The following CLCN3 variants were observed in gnomAD, a reference collection of about 807,000 sequenced individuals.
The protein encoded by CLCN3 is Cl-/H+ antiporter 3, also known as H(+)/Cl(-) exchange transporter 3.
A neutral mutation model predicts 83.4 loss-of-function variants in CLCN3; 16 were observed. That is an observed-to-expected ratio of 0.19 (90% CI 0.13 to 0.29). CLCN3 has a LOEUF of 0.29. Ranked by LOEUF, CLCN3 falls within the 10% of genes least tolerant of loss-of-function variation. The pLI, the probability that CLCN3 is intolerant of heterozygous loss-of-function variation, is 1.00. For missense variants in CLCN3, 544 were observed against 1,006.0 expected, an observed-to-expected ratio of 0.54 and a Z score of 6.21; for synonymous variants, 322 against 346.2, an observed-to-expected ratio of 0.93 and a Z score of 0.78.
chr4:169,647,838 G>T (rs1360455620), intron 2 of CLCN3, among the ~76,000 whole-genome samples: 2 of 152,138 alleles, frequency 1.3e-5, no homozygotes, highest in Non-Finnish European at 2.9e-5. Flanking sequence ...TACTTCCAAA[G>T]AATAGAGTAG....
At chr4:169,630,771 C>T (rs1037942733) in intron 1 of CLCN3, among the ~76,000 whole-genome samples, 31 of 152,216 alleles carry the variant, frequency 2.0e-4, no homozygotes, top group African/African-American at 6.3e-4. Context: ...TCAGGTGATC[C>T]GCCAGCCTTG....
At chr4:169,626,958 C>T (rs1276376109) in intron 1 of CLCN3, among the ~76,000 whole-genome samples, 2 of 152,170 alleles carry the variant, frequency 1.3e-5, no homozygotes, top group African/African-American at 2.4e-5. Context: ...ATTGTTCAGA[C>T]GTCTAGTCTC....
chr4:169,622,409 T>G (rs1773132148), intron 1 of CLCN3, among the ~76,000 whole-genome samples: 1 of 152,110 alleles, frequency 6.6e-6, no homozygotes, highest in Non-Finnish European at 1.5e-5. Flanking sequence ...TTCAGACGGC[T>G]CAGGAAGCCA....
At position 169,663,346 on chromosome 4, in the gene CLCN3, T is replaced by TG. The variant is rs1359035903; in HGVS notation, c.161-16704_161-16703insG. Among the ~76,000 whole-genome samples, 47 of 142,050 alleles carry TG rather than the reference T, an allele frequency of 3.3e-4. 1 individual carries two copies. Among genetic ancestry groups the TG allele is most frequent in the African/African-American group, 1.2e-3 (47 of 39,670 alleles). 93.2% of individuals were successfully genotyped at this position (142,050 alleles called of 152,430 possible). ...TTGTTGTTGTTGTTGTTGTTGTTGT[T>TG]TTCTTAAGAGAGAGGTATCACTTTT... On this transcript the variant is annotated intron_variant, in intron 2 of 12. Transcript: ENST00000513761.
At chr4:169,671,473 G>A (rs1181322356) in intron 2 of CLCN3, among the ~76,000 whole-genome samples, 2 of 152,084 alleles carry the variant, frequency 1.3e-5, no homozygotes, top group African/African-American at 4.8e-5. Context: ...GGGAGGGAGA[G>A]CATTAGGACA....
At position 169,620,682 on chromosome 4, in the gene CLCN3, G is replaced by A. The variant is rs371822582; in HGVS notation, c.-398G>A. 2 of 398,418 alleles carry A rather than the reference G, an allele frequency of 5.0e-6. No individual in the cohort carries two copies. Among genetic ancestry groups the A allele is most frequent in the Admixed American group, 4.4e-5 (1 of 22,722 alleles). The allele number at this position is 398,418 out of a possible 1,614,324, so 24.7% of individuals were successfully genotyped here. On this transcript the variant is annotated 5_prime_UTR_variant, in exon 1 of 13. Transcript: ENST00000513761. ...CCGGAATAATGAGCAAGGAGGGTGT[G>A]GTGGGTTGAAAGCCATCCTACTTTA...
intron 12 of CLCN3, among the ~76,000 whole-genome samples, chr4:169,715,870 C>T (rs1202599731): frequency 1.3e-5 from 2 of 151,968 alleles, no homozygotes; most frequent in Non-Finnish European, 2.9e-5. Context: ...GGATTAAATA[C>T]AATTGAGGTT....
chr4:169,666,121 A>G (rs1465084640), intron 2 of CLCN3, among the ~76,000 whole-genome samples: 2 of 152,156 alleles, frequency 1.3e-5, no homozygotes, highest in Non-Finnish European at 2.9e-5. Context: ...TCAAGTTTTA[A>G]CATGTTGATC....
Position 169,676,397 on chromosome 4 carries a change from T to G in CLCN3, c.161-3653T>G, listed in dbSNP as rs537603043. Among the ~76,000 whole-genome samples the G allele has an allele frequency of 3.9e-5, 6 of 152,310 alleles. No homozygotes were observed. In the East Asian group the frequency reaches 7.7e-4, roughly 20 times the overall value. On this transcript the variant is annotated intron_variant, in intron 2 of 12. Coordinates refer to ENST00000513761, the MANE Select transcript of CLCN3 (RefSeq NM_001829.4). ...TATATTTTGATAGGTATTTCCAAAT[T>G]TCTTCCCAAAATGTTTGTATCTCTT...
intron 2 of CLCN3, among the ~76,000 whole-genome samples, chr4:169,637,640 T>G (rs534432821): frequency 2.6e-5 from 4 of 151,150 alleles, no homozygotes; most frequent in East Asian, 3.9e-4. Flanking sequence ...ATTCTTAGTG[T>G]TTTTTTTTGT....
intron 2 of CLCN3, among the ~76,000 whole-genome samples, chr4:169,655,445 AG>A (rs1730852465): frequency 6.6e-6 from 1 of 152,212 alleles, no homozygotes; most frequent in South Asian, 2.1e-4. Context: ...GCATTAAAAC[AG>A]GTTTGCCGGT....
At chr4:169,694,005 C>T (rs1732472353) in intron 7 of CLCN3, among the ~76,000 whole-genome samples, 1 of 151,916 alleles carries the variant, frequency 6.6e-6, no homozygotes, top group African/African-American at 2.4e-5. Context: ...TGGATTAAAA[C>T]ATGTATATGA....
At chr4:169,673,377 ACTGTACCTTTTT>A (rs1173047936) in intron 2 of CLCN3, among the ~76,000 whole-genome samples, 9 of 152,224 alleles carry the variant, frequency 5.9e-5, no homozygotes, top group Non-Finnish European at 1.2e-4. Context: ...TTATTGCACT[ACTGTACCTTTTT>A]CTACCTCATA....
chr4:169,631,925 T>TA (rs1208777047), intron 1 of CLCN3, among the ~76,000 whole-genome samples: 4 of 151,684 alleles, frequency 2.6e-5, no homozygotes, highest in African/African-American at 7.3e-5. Flanking sequence ...GAATCGGTAA[T>TA]AAAAAATCTA....
intron 2 of CLCN3, among the ~76,000 whole-genome samples, chr4:169,648,774 C>A (rs890051165): frequency 1.3e-5 from 2 of 152,148 alleles, no homozygotes; most frequent in African/African-American, 4.8e-5. Context: ...TGCCTATAAT[C>A]CCAGCACTTT....
chr4:169,694,861 A>C (rs1429202135), intron 7 of CLCN3, among the ~76,000 whole-genome samples: 1 of 152,054 alleles, frequency 6.6e-6, no homozygotes, highest in Non-Finnish European at 1.5e-5. Context: ...AGGAATACAG[A>C]CTCTTAGAAA....
chr4:169,702,912 C>CCATT (rs1225505845), intron 9 of CLCN3: 1 of 185,280 alleles, frequency 5.4e-6, no homozygotes, highest in Non-Finnish European at 1.2e-5. Context: ...CACTTAGAGA[C>CCATT]CATTGTAGGG....
chr4:169,690,354 C>G (rs540567278), intron 5 of CLCN3, among the ~76,000 whole-genome samples, 176 bp from the exon 6 acceptor site: 4 of 152,150 alleles, frequency 2.6e-5, no homozygotes, highest in Admixed American at 2.6e-4. Flanking sequence ...CCACATTGGC[C>G]AAGCTAGTCT....
intron 1 of CLCN3, among the ~76,000 whole-genome samples, chr4:169,634,404 A>G (rs1773455199): frequency 6.6e-6 from 1 of 152,220 alleles, no homozygotes; most frequent in East Asian, 1.9e-4. Context: ...TTCTTAAGCT[A>G]TTAATGTTTA....
Sources: gnomAD v4.1 joint callset for allele counts (sites outside exome capture counted in the v4.1 genomes callset) on GRCh38, gnomAD v4.1.1 for gene constraint, MANE v1.5 for transcripts, NCBI Gene and HGNC (gene_info 2026-07-23, HGNC 2026-07-21) for gene names.